The following CACNA2D3 variants were observed in gnomAD, a reference collection of about 807,000 sequenced individuals.
The protein encoded by CACNA2D3 is voltage-dependent calcium channel subunit alpha-2/delta-3.
CACNA2D3 carries 60 observed loss-of-function variants against 160.6 expected under a neutral mutation model. That is an observed-to-expected ratio of 0.37 (90% confidence interval 0.30 to 0.46). The LOEUF (loss-of-function observed/expected upper bound fraction) is 0.46. CACNA2D3 is among the 20% of genes least tolerant of loss of function. The probability of loss-of-function intolerance (pLI) is 1.00; values close to 1 mark genes in which losing one functional copy is unlikely to be tolerated. For synonymous variants in CACNA2D3, 558 were observed against 492.9 expected (o/e 1.13, Z -1.75); for missense variants, 1,205 against 1,365.0 (o/e 0.88, Z 1.85).
intron 18 of CACNA2D3, among the ~76,000 whole-genome samples, chr3:54,878,101 G>A (rs1699706402): frequency 1.3e-5 from 2 of 152,118 alleles, no homozygotes; most frequent in African/African-American, 4.8e-5. Flanking sequence ...AATCTAGACA[G>A]CCTCGAATCA....
intron 24 of CACNA2D3, among the ~76,000 whole-genome samples, chr3:54,890,473 G>A (rs1180727368): frequency 2.1e-5 from 3 of 141,928 alleles, no homozygotes; most frequent in African/African-American, 7.9e-5. Context: ...TCCAGCCTGG[G>A]TGACAGAGCC....
intron 27 of CACNA2D3, among the ~76,000 whole-genome samples, chr3:54,909,345 G>GA (rs1700510618): frequency 6.6e-6 from 1 of 151,674 alleles, no homozygotes; most frequent in African/African-American, 2.4e-5. Flanking sequence ...TGGCTCATGA[G>GA]AGATTTGGGG....
chr3:54,424,355 T>A (rs1442440455), intron 4 of CACNA2D3, among the ~76,000 whole-genome samples: 1 of 152,174 alleles, frequency 6.6e-6, no homozygotes, highest in African/African-American at 2.4e-5. Context: ...TAATGTTGAT[T>A]GAGGTACAAA....
At chr3:54,266,191 A>G (rs1460180803) in intron 2 of CACNA2D3, among the ~76,000 whole-genome samples, 3 of 152,198 alleles carry the variant, frequency 2.0e-5, no homozygotes, top group Non-Finnish European at 1.5e-5. Context: ...GAAGTCCTTT[A>G]GCCATCTCCA....
At chr3:55,044,993 T>G (rs1704044664) in intron 35 of CACNA2D3, among the ~76,000 whole-genome samples, 1 of 152,200 alleles carries the variant, frequency 6.6e-6, no homozygotes, top group South Asian at 2.1e-4. Flanking sequence ...TGTATTCAAA[T>G]TGCTAATATT....
At chr3:54,188,366 T>C (rs534481992) in intron 2 of CACNA2D3, among the ~76,000 whole-genome samples, 17 of 152,336 alleles carry the variant, frequency 1.1e-4, no homozygotes, top group Admixed American at 7.2e-4. Context: ...GACAGCGACA[T>C]GCAACCTGTC....
At chr3:54,608,259 T>C (rs1026944130) in intron 9 of CACNA2D3, among the ~76,000 whole-genome samples, 1 of 152,236 alleles carries the variant, frequency 6.6e-6, no homozygotes, top group East Asian at 1.9e-4. Context: ...GATGTTATCA[T>C]TGGGGGAAGC....
chr3:54,722,844 G>T (rs768620301), intron 11 of CACNA2D3, among the ~76,000 whole-genome samples: 2 of 152,144 alleles, frequency 1.3e-5, no homozygotes, highest in Non-Finnish European at 2.9e-5. Context: ...CTACTGAGAG[G>T]TGTCTCCCAG....
intron 5 of CACNA2D3, among the ~76,000 whole-genome samples, chr3:54,539,309 C>T (rs1345025604): frequency 6.6e-6 from 1 of 152,148 alleles, no homozygotes; most frequent in African/African-American, 2.4e-5. Flanking sequence ...GTATACATGA[C>T]CAGTGTTATT....
At chr3:54,489,738 C>T (rs964816335) in intron 4 of CACNA2D3, among the ~76,000 whole-genome samples, 2 of 152,194 alleles carry the variant, frequency 1.3e-5, no homozygotes, top group Middle Eastern at 3.2e-3. Context: ...GGAAAGCCTT[C>T]ATAAGTGGCT....
At chr3:54,820,595 T>C (rs370838071) in intron 14 of CACNA2D3, among the ~76,000 whole-genome samples, 1 of 152,122 alleles carries the variant, frequency 6.6e-6, no homozygotes, top group East Asian at 1.9e-4. Context: ...TGTCCTGAGG[T>C]TTTGGCTAAA....
chr3:54,277,686 G>T (rs986250498), intron 2 of CACNA2D3, among the ~76,000 whole-genome samples: 3 of 152,138 alleles, frequency 2.0e-5, no homozygotes, highest in African/African-American at 7.2e-5. Flanking sequence ...GTAGCTTGAT[G>T]GGGATAGCAT....
At chr3:54,380,556 G>A (rs1699084259) in intron 3 of CACNA2D3, among the ~76,000 whole-genome samples, 1 of 152,034 alleles carries the variant, frequency 6.6e-6, no homozygotes. Flanking sequence ...GGCTAACACA[G>A]TGAAATCCTG....
intron 11 of CACNA2D3, among the ~76,000 whole-genome samples, chr3:54,649,256 C>G (rs1159497660): frequency 2.0e-5 from 3 of 152,140 alleles, no homozygotes; most frequent in African/African-American, 7.2e-5. Flanking sequence ...GGCTGCCCAG[C>G]CTTGGCCTGG....
At chr3:55,044,092 A>G (rs937407151) in intron 35 of CACNA2D3, among the ~76,000 whole-genome samples, 3 of 152,268 alleles carry the variant, frequency 2.0e-5, no homozygotes, top group African/African-American at 7.2e-5. Flanking sequence ...ATTCTAGTAC[A>G]TTTGCCTTTC....
chr3:54,598,532 C>T (rs907930043), intron 9 of CACNA2D3, among the ~76,000 whole-genome samples: 22 of 151,836 alleles, frequency 1.4e-4, no homozygotes, highest in African/African-American at 2.2e-4. Flanking sequence ...CCAGATGGTT[C>T]GAATACAGAA....
At chr3:54,708,813 G>A (rs1700900731) in intron 11 of CACNA2D3, among the ~76,000 whole-genome samples, 2 of 152,164 alleles carry the variant, frequency 1.3e-5, no homozygotes, top group Admixed American at 6.5e-5. Context: ...TTTATTTTTC[G>A]CCAGACCAGT....
chr3:54,166,768 A>G (rs1008278828), intron 2 of CACNA2D3, among the ~76,000 whole-genome samples: 1 of 152,172 alleles, frequency 6.6e-6, no homozygotes, highest in East Asian at 1.9e-4. Context: ...ATGAGTTTTT[A>G]TGAGACTTCC....
intron 11 of CACNA2D3, among the ~76,000 whole-genome samples, chr3:54,646,179 C>CTTG (rs1343536552): frequency 2.1e-4 from 6 of 28,426 alleles, no homozygotes; most frequent in African/African-American, 5.5e-4. Context: ...TCCCTCCCTC[C>CTTG]CTCCCTCCTT....
Sources: allele counts gnomAD v4.1 joint callset (sites outside exome capture counted in the v4.1 genomes callset), GRCh38; gene constraint gnomAD v4.1.1; transcripts MANE v1.5; gene names NCBI Gene and HGNC (gene_info 2026-07-23, HGNC 2026-07-21).